The following STX8 variants were observed in gnomAD, a reference collection of about 807,000 sequenced individuals.
STX8 encodes syntaxin-8.
STX8 carries 23 observed loss-of-function variants against 37.5 expected under a neutral mutation model. The observed-to-expected ratio is 0.61, with a 90% confidence interval of 0.44 to 0.87. The LOEUF (loss-of-function observed/expected upper bound fraction) is 0.87. Among genes scored for constraint, STX8 ranks in the 40% least tolerant of loss-of-function variants. The pLI, the probability that STX8 is intolerant of heterozygous loss-of-function variation, is 0.00. For missense variants in STX8, 313 were observed against 284.7 expected (o/e 1.10, Z -0.71); for synonymous variants, 115 against 99.1 (o/e 1.16, Z -0.95).
At chr17:9,550,520 G>A (rs1160684365) in intron 3 of STX8, among the ~76,000 whole-genome samples, 1 of 152,048 alleles carries the variant, frequency 6.6e-6, no homozygotes, top group Admixed American at 6.6e-5. Flanking sequence ...CTTGCAGTGA[G>A]CCAAGATCGT....
Position 9,250,572 on chromosome 17 carries a change from C to T in STX8, c.*6G>A, listed in dbSNP as rs779444986. 1 of 1,588,116 alleles carries T rather than the reference C, an allele frequency of 6.3e-7. No individual in the cohort carries two copies. The highest frequency in any genetic ancestry group is 1.8e-5 in the Admixed American group (1 of 55,618). On this transcript the variant is annotated 3_prime_UTR_variant, in exon 8 of 8. Coordinates refer to ENST00000306357, the MANE Select transcript of STX8 (RefSeq NM_004853.3). ...GGTGTCACTGCTGGTGGTCTCTTTA[C>T]TGCCATCAGTTGGTCGGCCAGACTG...
At chr17:9,480,468 G>C (rs1906281458) in intron 6 of STX8, among the ~76,000 whole-genome samples, 1 of 152,206 alleles carries the variant, frequency 6.6e-6, no homozygotes, top group Admixed American at 6.5e-5. Context: ...AATGTGGACA[G>C]CAGAAAGGTG....
At chr17:9,410,981 T>C (rs916229471) in intron 6 of STX8, among the ~76,000 whole-genome samples, 1 of 152,232 alleles carries the variant, frequency 6.6e-6, no homozygotes, top group African/African-American at 2.4e-5. Flanking sequence ...TAGGTGCTAA[T>C]TTGAACACTT....
intron 7 of STX8, among the ~76,000 whole-genome samples, chr17:9,301,807 T>C (rs1597592636): frequency 6.6e-6 from 1 of 152,174 alleles, no homozygotes; most frequent in East Asian, 1.9e-4. Flanking sequence ...ACTTTTTAAA[T>C]AGAAAACTAG....
At chr17:9,471,031 CTTTTTTTTTT>C (rs757411419) in intron 6 of STX8, among the ~76,000 whole-genome samples, 1 of 33,054 alleles carries the variant, frequency 3.0e-5, no homozygotes, top group Non-Finnish European at 5.5e-5. Context: ...CTGCATCCTG[CTTTTTTTTTT>C]TTTTTTTTTT....
chr17:9,543,472 G>A (rs913953536), intron 4 of STX8, among the ~76,000 whole-genome samples: 3 of 151,878 alleles, frequency 2.0e-5, no homozygotes, highest in Non-Finnish European at 2.9e-5. Context: ...TTTTGTTGTT[G>A]TTGTTGTATT....
At chr17:9,258,638 G>A (rs1256704568) in intron 7 of STX8, among the ~76,000 whole-genome samples, 1 of 152,196 alleles carries the variant, frequency 6.6e-6, no homozygotes. Context: ...TTTAATTTCC[G>A]CCGAATAATG....
At chr17:9,356,207 T>C (rs1910877142) in intron 7 of STX8, among the ~76,000 whole-genome samples, 1 of 152,200 alleles carries the variant, frequency 6.6e-6, no homozygotes, top group African/African-American at 2.4e-5. Flanking sequence ...AGTAGCTCAG[T>C]GTGACAATAC....
chr17:9,376,144 G>A (rs144123522), intron 7 of STX8, among the ~76,000 whole-genome samples: 1,642 of 152,298 alleles, frequency 0.011, 19 homozygotes, highest in Middle Eastern at 0.02. Flanking sequence ...CTTCTGGGTC[G>A]GGTGGGGACT....
At chr17:9,415,443 C>T (rs555787488) in intron 6 of STX8, among the ~76,000 whole-genome samples, 31 of 152,170 alleles carry the variant, frequency 2.0e-4, no homozygotes, top group African/African-American at 2.9e-4. Context: ...CTCTAGTGAA[C>T]CCATCAATGA....
At position 9,378,980 on chromosome 17, in the gene STX8, C is replaced by T. The variant is rs187162591; in HGVS notation, c.542-327G>A. On this transcript the variant is annotated intron_variant, in intron 6 of 7. Coordinates refer to ENST00000306357, the MANE Select transcript of STX8 (RefSeq NM_004853.3). Reference sequence around the variant, plus strand: ...AACAGACAGGCCAGGCACGGTGGCTCACGCCTATAATCCCAGCACTTTGGA... The same window carrying T: ...AACAGACAGGCCAGGCACGGTGGCTTACGCCTATAATCCCAGCACTTTGGA... Among the ~76,000 whole-genome samples, 15 of 152,222 alleles carry T rather than the reference C, an allele frequency of 9.9e-5. No individual in the cohort carries two copies. In the East Asian group the frequency reaches 2.7e-3, roughly 27 times the overall value.
chr17:9,323,945 G>A (rs75158349), intron 7 of STX8, among the ~76,000 whole-genome samples: 1 of 152,286 alleles, frequency 6.6e-6, no homozygotes, highest in East Asian at 1.9e-4. Flanking sequence ...ACCTGCTGGG[G>A]GAATGGGACA....
intron 4 of STX8, among the ~76,000 whole-genome samples, chr17:9,529,456 C>T (rs1358883778): frequency 6.6e-6 from 1 of 152,092 alleles, no homozygotes; most frequent in Non-Finnish European, 1.5e-5. Context: ...ACAGAAAAAT[C>T]CCCAGTGTAC....
chr17:9,304,739 G>A (rs769564639), intron 7 of STX8, among the ~76,000 whole-genome samples: 1 of 151,848 alleles, frequency 6.6e-6, no homozygotes, highest in Non-Finnish European at 1.5e-5. Flanking sequence ...ACTGTGAGGC[G>A]ATAGTCTTAT....
chr17:9,331,785 C>A (rs79217019), intron 7 of STX8, among the ~76,000 whole-genome samples: 4,330 of 152,240 alleles, frequency 0.028, 216 homozygotes, highest in African/African-American at 0.097. Flanking sequence ...TCCCTCCCCC[C>A]TCTCTGCCTT....
At chr17:9,304,621 A>G (rs74684473) in intron 7 of STX8, among the ~76,000 whole-genome samples, 5,441 of 152,142 alleles carry the variant, frequency 0.036, 140 homozygotes, top group Non-Finnish European at 0.051. Context: ...TTTCTGACCT[A>G]CACAAATGGT....
At chr17:9,527,940 T>C (rs545163468) in intron 4 of STX8, among the ~76,000 whole-genome samples, 67 of 152,258 alleles carry the variant, frequency 4.4e-4, no homozygotes, top group Admixed American at 4.3e-3. Flanking sequence ...CTCGTTGTAA[T>C]GGCAAAAAAC....
At chr17:9,454,241 G>C (rs887671469) in intron 6 of STX8, among the ~76,000 whole-genome samples, 1 of 152,156 alleles carries the variant, frequency 6.6e-6, no homozygotes, top group African/African-American at 2.4e-5. Context: ...TGATAACCAA[G>C]AGGGCTACCA....
intron 7 of STX8, among the ~76,000 whole-genome samples, chr17:9,324,157 A>C (rs186952930): frequency 0.015 from 1,695 of 114,056 alleles, 24 homozygotes; most frequent in South Asian, 0.11. Context: ...CACACACACA[A>C]ACACAAACAC....
Sources: allele counts gnomAD v4.1 joint callset (sites outside exome capture counted in the v4.1 genomes callset), GRCh38; gene constraint gnomAD v4.1.1; transcripts MANE v1.5; gene names NCBI Gene and HGNC (gene_info 2026-07-23, HGNC 2026-07-21).